GOLGA3: variants seen among roughly 807,000 people sequenced by gnomAD.
The protein encoded by GOLGA3 is golgin subfamily A member 3.
Under a neutral mutation model 169.4 loss-of-function variants are expected in GOLGA3, and 75 were observed. The ratio of observed to expected loss-of-function variants is 0.44; its 90% confidence interval spans 0.37 to 0.54. The LOEUF (loss-of-function observed/expected upper bound fraction) is 0.54, where lower values mean the gene tolerates loss of function less well. Among genes scored for constraint, GOLGA3 ranks in the 20% least tolerant of loss-of-function variants. The pLI is 0.00. For missense variants in GOLGA3, 1,899 were observed against 1,930.0 expected (o/e 0.98, Z 0.30); for synonymous variants, 824 against 822.4 (o/e 1.00, Z -0.03).
At chr12:132,812,023 A>AAC (rs1949737241) in intron 4 of GOLGA3, among the ~76,000 whole-genome samples, 1 of 144,814 alleles carries the variant, frequency 6.9e-6, no homozygotes, top group Non-Finnish European at 1.5e-5. Context: ...AAAAAAAAAA[A>AAC]CATTAAAAAA....
rs757443923 is a variant in GOLGA3, at chr12:132,789,016, C to T, written c.2811+11G>A. 2 of 1,492,468 alleles carry T rather than the reference C, an allele frequency of 1.3e-6. No individual in the cohort carries two copies. Among genetic ancestry groups the T allele is most frequent in the South Asian group, 2.5e-5 (2 of 79,992 alleles). The allele number at this position is 1,492,468 out of a possible 1,614,324, so 92.5% of individuals were successfully genotyped here. ...CTCCCCATCAAATGAGTCAACCCGA[C>T]ACGGACAGACCTGCAAGTGTGTTTC... On this transcript the variant is annotated intron_variant, in intron 13 of 23. Transcript: ENST00000450791.
At chr12:132,824,099 CAA>C (rs1012756067) in intron 1 of GOLGA3, among the ~76,000 whole-genome samples, 1 of 151,848 alleles carries the variant, frequency 6.6e-6, no homozygotes, top group African/African-American at 2.4e-5. Context: ...CAAAAAACAA[CAA>C]AAAAAAGAGA....
At chr12:132,797,784 T>A (rs941904628) in intron 9 of GOLGA3, among the ~76,000 whole-genome samples, 5 of 151,888 alleles carry the variant, frequency 3.3e-5, no homozygotes, top group African/African-American at 1.2e-4. Context: ...AGAACAGCTA[T>A]CAAGGCTGCT....
At chr12:132,788,588 G>A (rs1379415797) in intron 13 of GOLGA3, among the ~76,000 whole-genome samples, 4 of 152,122 alleles carry the variant, frequency 2.6e-5, no homozygotes, top group African/African-American at 4.8e-5. Flanking sequence ...TCCCAGCTCC[G>A]CACTCAGCCA....
chr12:132,812,225 A>T (rs1162026816), intron 4 of GOLGA3, among the ~76,000 whole-genome samples: 6 of 133,770 alleles, frequency 4.5e-5, no homozygotes, highest in Admixed American at 7.7e-5. Flanking sequence ...ATATATATAT[A>T]TATATTTTTT....
chr12:132,784,864 ATGCACACAAACACTCCACACGC>A (rs2045816459), intron 15 of GOLGA3, among the ~76,000 whole-genome samples: 1 of 151,518 alleles, frequency 6.6e-6, no homozygotes, highest in Non-Finnish European at 1.5e-5. Context: ...CCCACACACC[ATGCACACAAACACTCCACACGC>A]TGCACACACA....
At position 132,795,988 on chromosome 12, in the gene GOLGA3, A is replaced by G; in HGVS notation, c.2333T>C (p.Leu778Ser). 6.2e-7 allele frequency: 1 copy of G among 1,613,734 alleles called. No homozygotes were observed. Among genetic ancestry groups the G allele is most frequent in the Non-Finnish European group, 8.5e-7 (1 of 1,180,028 alleles). Residue 778 changes from leucine (L) to serine (S), a missense_variant, in exon 11 of 24, where the codon TTG becomes TCG. Physicochemically the swap from Leu to Ser is moderately radical, Grantham distance 145. Transcript: ENST00000450791. ...ICLLQNEKIILEAALQAAKSG... is the reference protein window; with the variant it reads ...ICLLQNEKIISEAALQAAKSG... The stretch of plus-strand genomic sequence containing the variant: ...CTTGGCCGCCTGCAAAGCCGCCTCC[A>G]AGATGATCTTCTCGTTCTGCAGGAG...
intron 17 of GOLGA3, 40 bp from the exon 18 acceptor site, chr12:132,780,954 G>GA (rs1566076157): frequency 6.8e-7 from 1 of 1,464,798 alleles, no homozygotes; most frequent in South Asian, 1.1e-5. Context: ...GAAGGACGTC[G>GA]AATTACAAAC....
Position 132,776,695 on chromosome 12 carries a change from T to G in GOLGA3, c.3917A>C (p.Gln1306Pro). The G allele has an allele frequency of 6.2e-7, 1 of 1,614,144 alleles. No individual in the cohort carries two copies. Among genetic ancestry groups the G allele is most frequent in the Non-Finnish European group, 8.5e-7 (1 of 1,180,006 alleles). The change falls in exon 21 of 24, where the codon CAG becomes CCG. Residue 1306 changes from glutamine (Q) to proline (P), a missense_variant. Transcript: ENST00000450791. ...GCCCTGCTGCTCCGTCAAGTCCAGC[T>G]GCTGCTTCAAGGACTGGATTTCTCT... ...KEREIQSLKQQLDLTEQQGRK... is the reference protein window; with the variant it reads ...KEREIQSLKQPLDLTEQQGRK...
At chr12:132,821,960 C>G in intron 2 of GOLGA3, 36 bp downstream of exon 2, 1 of 1,466,666 alleles carries the variant, frequency 6.8e-7, no homozygotes. Flanking sequence ...ACCAGGTCCT[C>G]CTGTGACCAG....
intron 18 of GOLGA3, 150 bp downstream of exon 18, chr12:132,780,648 G>C: frequency 3.0e-6 from 2 of 667,346 alleles, no homozygotes; most frequent in Non-Finnish European, 5.4e-6. Context: ...ACCAGAGCAG[G>C]TGCTCTGCGG....
intron 11 of GOLGA3, among the ~76,000 whole-genome samples, chr12:132,792,179 T>C (rs1948562316): frequency 6.6e-6 from 1 of 152,202 alleles, no homozygotes; most frequent in Non-Finnish European, 1.5e-5. Context: ...TGACGGGAAC[T>C]GGTGGTTCCT....
rs2044881835 is a variant in GOLGA3, at chr12:132,771,174, C to G, written c.*1931G>C. The G allele has an allele frequency of 6.6e-6, 1 of 152,488 alleles. No homozygotes were observed. The highest frequency in any genetic ancestry group is 1.5e-5 in the Non-Finnish European group (1 of 68,030). 9.4% of individuals were successfully genotyped at this position (152,488 alleles called of 1,614,324 possible). A position where few individuals can be genotyped will look rare whatever the true frequency, so the allele number is the denominator to read the frequency against. On this transcript the variant is annotated 3_prime_UTR_variant, in exon 24 of 24. Coordinates refer to ENST00000450791, the MANE Select transcript of GOLGA3 (RefSeq NM_001389683.1). Reference sequence around the variant, plus strand: ...TTTGCTAGAGAATATTTTTTAAATACCAAACATCTTTGTGGTTAATGCTAC... The same window carrying G: ...TTTGCTAGAGAATATTTTTTAAATAGCAAACATCTTTGTGGTTAATGCTAC...
intron 1 of GOLGA3, chr12:132,825,600 G>C (rs1593412972): frequency 1.5e-6 from 1 of 646,404 alleles, no homozygotes; most frequent in African/African-American, 1.8e-5. Flanking sequence ...ATACAGCAAA[G>C]TCTAAACTAG....
Position 132,770,602 on chromosome 12 carries a change from G to A in GOLGA3, c.*2503C>T, listed in dbSNP as rs527863639. 3.9e-5 allele frequency: 6 copies of A among 152,296 alleles called. No homozygotes were observed. Among genetic ancestry groups the A allele is most frequent in the African/African-American group, 1.4e-4 (6 of 41,556 alleles). 9.4% of individuals were successfully genotyped at this position (152,296 alleles called of 1,614,324 possible). On this transcript the variant is annotated 3_prime_UTR_variant, in exon 24 of 24. Transcript: ENST00000450791. ...AAGCAAGGAGAAGTCGCTCCCCACT[G>A]AATGTGTGATTTCTCGATTTTAGAT...
chr12:132,784,350 C>T lies in GOLGA3; in HGVS notation c.3124-43G>A, dbSNP rs111769684. The T allele has an allele frequency of 9.9e-5, 152 of 1,536,048 alleles. 1 individual carries two copies. The African/African-American group carries it at 1.8e-3, about 19-fold the overall frequency. ...ACGGGCGCTTGGTCATGGGACAGGC[C>T]CTGACCCCCCTCACTTCCTGTGGTG... On this transcript the variant is annotated intron_variant, in intron 15 of 23. Coordinates refer to ENST00000450791, the MANE Select transcript of GOLGA3 (RefSeq NM_001389683.1).
Position 132,816,679 on chromosome 12 carries a change from C to T in GOLGA3, c.267G>A (p.Val89=). Residue 89 remains valine (V), a synonymous_variant, in exon 3 of 24, where the codon GTG becomes GTA. Transcript: ENST00000450791. ...PSSLDPTTSP[V]GPDASPGVAG... ...CCACACCTGGAGAGGCATCAGGGCC[C>T]ACTGGGCTTGTGGTGGGATCGAGAG... The T allele has an allele frequency of 6.2e-7, 1 of 1,614,164 alleles. No individual in the cohort carries two copies.
intron 6 of GOLGA3, among the ~76,000 whole-genome samples, chr12:132,806,855 A>C (rs1949430416): frequency 6.6e-6 from 1 of 152,202 alleles, no homozygotes; most frequent in African/African-American, 2.4e-5. Flanking sequence ...CACTACAAAG[A>C]AAAAAGGTTC....
intron 7 of GOLGA3, among the ~76,000 whole-genome samples, chr12:132,803,318 A>G (rs1593324048): frequency 1.3e-5 from 2 of 152,186 alleles, no homozygotes; most frequent in East Asian, 3.8e-4. Flanking sequence ...AACAAATTTA[A>G]TCAAGTCGGC....
Sources: allele counts gnomAD v4.1 joint callset (sites outside exome capture counted in the v4.1 genomes callset), GRCh38; gene constraint gnomAD v4.1.1; transcripts MANE v1.5; gene names NCBI Gene and HGNC (gene_info 2026-07-23, HGNC 2026-07-21).